Variants in RPS27L observed in about 807,000 individuals in gnomAD.
The protein encoded by RPS27L is ribosomal protein eS27-like.
A neutral mutation model predicts 12.8 loss-of-function variants in RPS27L; 10 were observed. The observed-to-expected ratio is 0.78, with a 90% CI of 0.48 to 1.33. The LOEUF (loss-of-function observed/expected upper bound fraction) is 1.33. RPS27L is among the 40% of genes most tolerant of loss of function. RPS27L has a pLI of 0.00. For missense variants in RPS27L, 81 were observed against 97.4 expected (o/e 0.83, Z 0.71); for synonymous variants, 26 against 32.3 (o/e 0.81, Z 0.66).
chr15:63,154,082 A>T, intron 3 of RPS27L, 22 bp from the exon 4 acceptor site: 1 of 1,592,950 alleles, frequency 6.3e-7, no homozygotes, highest in Non-Finnish European at 8.6e-7. Context: ...TCATGAGAGT[A>T]TATTAAACAA....
intron 1 of RPS27L, 184 bp downstream of exon 1, chr15:63,157,216 C>T: frequency 1.5e-6 from 1 of 685,716 alleles, no homozygotes; most frequent in Non-Finnish European, 2.6e-6. Flanking sequence ...CCTGCAGGGC[C>T]AGCCGCGCCG....
rs1329911804 is a variant in RPS27L, at chr15:63,157,409, G to A, written c.-4C>T. On this transcript the variant is annotated 5_prime_UTR_variant, in exon 1 of 4. Coordinates refer to ENST00000330964, the MANE Select transcript of RPS27L (RefSeq NM_015920.4). ...GATGTAAACAACTCACAGGCATGTTGATCCTCTTGCAAGCTCAGCCCTACC... is the reference window on the plus strand; with the variant it reads ...GATGTAAACAACTCACAGGCATGTTAATCCTCTTGCAAGCTCAGCCCTACC... 4.3e-6 allele frequency: 7 copies of A among 1,613,974 alleles called. No individual in the cohort carries two copies. The highest frequency in any genetic ancestry group is 3.3e-5 in the South Asian group (3 of 91,082).
At position 63,148,666 on chromosome 15, in the gene RPS27L, T is replaced by A. The variant is rs543758404; in HGVS notation, c.*5366A>T. ...TTAGGACTATTCTGCCTAAATTCTT[T>A]GAAAGGTGAAGTTTTGCTAGGTGTG... On this transcript the variant is annotated 3_prime_UTR_variant, in exon 4 of 4. Transcript: ENST00000330964. The A allele has an allele frequency of 6.6e-6, 1 of 152,244 alleles. No homozygotes were observed. The highest frequency in any genetic ancestry group is 2.1e-4 in the South Asian group (1 of 4,822). 9.4% of individuals were successfully genotyped at this position (152,244 alleles called of 1,614,324 possible). A position where few individuals can be genotyped will look rare whatever the true frequency, so the allele number is the denominator to read the frequency against.
Position 63,152,958 on chromosome 15 carries a change from C to A in RPS27L, c.*1074G>T, listed in dbSNP as rs2037310022. ...AAATACCTGCCACAAGGTAACAAAT[C>A]AAATAGAAGCAGAGTAGAAACTGGA... On this transcript the variant is annotated 3_prime_UTR_variant, in exon 4 of 4. Transcript: ENST00000330964. 1 of 152,156 alleles carries A rather than the reference C, an allele frequency of 6.6e-6. No individual in the cohort carries two copies. The highest frequency in any genetic ancestry group is 1.5e-5 in the Non-Finnish European group (1 of 68,032). 9.4% of individuals were successfully genotyped at this position (152,156 alleles called of 1,614,324 possible).
Position 63,157,428 on chromosome 15 carries a change from C to A in RPS27L, c.-23G>T. 6.2e-7 allele frequency: 1 copy of A among 1,613,974 alleles called. No homozygotes were observed. The highest frequency in any genetic ancestry group is 8.5e-7 in the Non-Finnish European group (1 of 1,179,850). On this transcript the variant is annotated 5_prime_UTR_variant, in exon 1 of 4. Coordinates refer to ENST00000330964, the MANE Select transcript of RPS27L (RefSeq NM_015920.4). ...CATGTTGATCCTCTTGCAAGCTCAG[C>A]CCTACCAGACCTCCCAGCCCACACA...
At chr15:63,157,203 G>A in intron 1 of RPS27L, 197 bp downstream of exon 1, 2 of 639,078 alleles carry the variant, frequency 3.1e-6, no homozygotes, top group Non-Finnish European at 2.8e-6. Flanking sequence ...TGCAGCCCAC[G>A]CCCCTGCAGG....
chr15:63,151,654 C>T lies in RPS27L; in HGVS notation c.*2378G>A, dbSNP rs2037300270. 1 of 152,114 alleles carries T rather than the reference C, an allele frequency of 6.6e-6. No homozygotes were observed. The allele number at this position is 152,114 out of a possible 1,614,324, so 9.4% of individuals were successfully genotyped here. A position where few individuals can be genotyped will look rare whatever the true frequency, so the allele number is the denominator to read the frequency against. On this transcript the variant is annotated 3_prime_UTR_variant, in exon 4 of 4. Coordinates refer to ENST00000330964, the MANE Select transcript of RPS27L (RefSeq NM_015920.4). The stretch of plus-strand genomic sequence containing the variant: ...TCCTTCTCATCAAAAGCTGTCATCC[C>T]ACTGTCTCTCCTTATAGCCAAGTAT...
chr15:63,155,379 C>G (rs2037325463), intron 3 of RPS27L: 1 of 398,294 alleles, frequency 2.5e-6, no homozygotes. Context: ...TTAATTTATT[C>G]CAAGTTAAGC....
At position 63,152,339 on chromosome 15, in the gene RPS27L, G is replaced by C. The variant is rs185524263; in HGVS notation, c.*1693C>G. The C allele has an allele frequency of 1.3e-5, 2 of 152,140 alleles. No homozygotes were observed. Among genetic ancestry groups the C allele is most frequent in the Admixed American group, 1.3e-4 (2 of 15,274 alleles). The allele number at this position is 152,140 out of a possible 1,614,324, so 9.4% of individuals were successfully genotyped here. On this transcript the variant is annotated 3_prime_UTR_variant, in exon 4 of 4. Coordinates refer to ENST00000330964, the MANE Select transcript of RPS27L (RefSeq NM_015920.4). The stretch of plus-strand genomic sequence containing the variant: ...TAGTTTTTTTCAAATGGCTACTAGA[G>C]TTGTTAGAACATAAGTTAATAAATG...
chr15:63,154,308 C>T (rs2037318642), intron 3 of RPS27L: 1 of 428,166 alleles, frequency 2.3e-6, no homozygotes, highest in South Asian at 5.5e-5. Flanking sequence ...TACTTAAGAC[C>T]ATGAGCCTGA....
At position 63,150,014 on chromosome 15, in the gene RPS27L, T is replaced by C. The variant is rs1360608852; in HGVS notation, c.*4018A>G. 5 of 151,944 alleles carry C rather than the reference T, an allele frequency of 3.3e-5. No individual in the cohort carries two copies. Among genetic ancestry groups the C allele is most frequent in the Admixed American group, 6.6e-5 (1 of 15,234 alleles). The allele number at this position is 151,944 out of a possible 1,614,324, so 9.4% of individuals were successfully genotyped here. A position where few individuals can be genotyped will look rare whatever the true frequency, so the allele number is the denominator to read the frequency against. The stretch of plus-strand genomic sequence containing the variant: ...ACTCAAGCCTGGGAGGTGGAGGAGG[T>C]TGCAGTGAGCTGAGATCACGCCACT... On this transcript the variant is annotated 3_prime_UTR_variant, in exon 4 of 4. Transcript: ENST00000330964.
rs546766883 is a variant in RPS27L at position 63,151,538 on chromosome 15, G to A, written c.*2494C>T. 3 of 152,158 alleles carry A rather than the reference G, an allele frequency of 2.0e-5. No homozygotes were observed. Among genetic ancestry groups the A allele is most frequent in the African/African-American group, 4.8e-5 (2 of 41,440 alleles). 9.4% of individuals were successfully genotyped at this position (152,158 alleles called of 1,614,324 possible). A position where few individuals can be genotyped will look rare whatever the true frequency, so the allele number is the denominator to read the frequency against. On this transcript the variant is annotated 3_prime_UTR_variant, in exon 4 of 4. Coordinates refer to ENST00000330964, the MANE Select transcript of RPS27L (RefSeq NM_015920.4). ...TGTGAGCCACCGCGCCCAGCCCTTA[G>A]ATGTGGTCTTTAAAGTATAATCCTT... is the stretch of plus-strand genomic sequence containing the variant.
Position 63,155,655 on chromosome 15 carries a change from G to A in RPS27L, c.192C>T (p.Cys64=). The change falls in exon 3 of 4, where the codon TGC becomes TGT. Residue 64 remains cysteine, a synonymous_variant. Coordinates refer to ENST00000330964, the MANE Select transcript of RPS27L (RefSeq NM_015920.4). The part of the protein sequence containing the change: ...VLCVGCSTVL[C]QPTGGKARLT... ...GTCTGGCCTTTCCTCCTGTAGGCTG[G>A]CACAACACTGTTGAACAACCTACAC... is the stretch of plus-strand genomic sequence containing the variant. The A allele has an allele frequency of 6.3e-7, 1 of 1,590,694 alleles. No homozygotes were observed. The highest frequency in any genetic ancestry group is 8.6e-7 in the Non-Finnish European group (1 of 1,168,266).
chr15:63,154,402 G>A, intron 3 of RPS27L: 1 of 211,568 alleles, frequency 4.7e-6, no homozygotes, highest in Non-Finnish European at 9.2e-6. Flanking sequence ...CTTTTCTCAA[G>A]TAAATAATTT....
rs2037309644 is a variant in RPS27L, at chr15:63,152,925, C to G, written c.*1107G>C. The G allele has an allele frequency of 6.6e-6, 1 of 152,156 alleles. No homozygotes were observed. The highest frequency in any genetic ancestry group is 2.1e-4 in the South Asian group (1 of 4,832). 9.4% of individuals were successfully genotyped at this position (152,156 alleles called of 1,614,324 possible). ...GAGGCCTACCTGTTGATAGGAAATGCCTGTTTTAAATACCTGCCACAAGGT... is the reference window on the plus strand; with the variant it reads ...GAGGCCTACCTGTTGATAGGAAATGGCTGTTTTAAATACCTGCCACAAGGT... On this transcript the variant is annotated 3_prime_UTR_variant, in exon 4 of 4. Transcript: ENST00000330964.
chr15:63,157,348 C>G, intron 1 of RPS27L, 52 bp downstream of exon 1: 1 of 1,608,508 alleles, frequency 6.2e-7, no homozygotes, highest in Non-Finnish European at 8.5e-7. Context: ...TCCCATATGA[C>G]TCTCGGTAAA....
At chr15:63,155,803 A>C (rs2037328706) in intron 2 of RPS27L, 72 bp from the exon 3 acceptor site, 1 of 886,844 alleles carries the variant, frequency 1.1e-6, no homozygotes, top group South Asian at 3.1e-5. Flanking sequence ...ATTTCTGGTA[A>C]TATGTAAAAA....
chr15:63,156,373 A>C (rs2037332409), intron 2 of RPS27L, 40 bp downstream of exon 2: 1 of 1,127,740 alleles, frequency 8.9e-7, no homozygotes, highest in South Asian at 1.4e-5. Flanking sequence ...ATCCCTACAG[A>C]AATTTTCTTT....
At chr15:63,155,265 G>A (rs1053463850) in intron 3 of RPS27L, 1 of 158,000 alleles carries the variant, frequency 6.3e-6, no homozygotes, top group Non-Finnish European at 1.4e-5. Context: ...TCCAGCCTGG[G>A]TGACAGAGCG....
Sources: gnomAD v4.1 joint callset for allele counts on GRCh38, gnomAD v4.1.1 for gene constraint, MANE v1.5 for transcripts, NCBI Gene and HGNC (gene_info 2026-07-23, HGNC 2026-07-21) for gene names.